FUT8: variants seen among roughly 807,000 people sequenced by gnomAD.
The protein encoded by FUT8 is fucosyltransferase 8, also known as alpha-(1,6)-fucosyltransferase.
Under a neutral mutation model 71.3 loss-of-function variants are expected in FUT8, and 29 were observed. That is an observed-to-expected ratio of 0.41 (90% CI 0.30 to 0.55). The LOEUF is 0.55. Among genes scored for constraint, FUT8 ranks in the 20% least tolerant of loss-of-function variants. The pLI is 0.34. For synonymous variants in FUT8, 254 were observed against 239.3 expected (o/e 1.06, Z -0.57); for missense variants, 544 against 702.1 (o/e 0.77, Z 2.55).
chr14:65,567,888 C>A (rs1414414358), intron 3 of FUT8, among the ~76,000 whole-genome samples: 2 of 151,538 alleles, frequency 1.3e-5, no homozygotes. Context: ...ATGATTTTTC[C>A]TTCTTGTGAT....
At chr14:65,688,469 T>C (rs115996456) in intron 7 of FUT8, among the ~76,000 whole-genome samples, 2,524 of 147,588 alleles carry the variant, frequency 0.017, 77 homozygotes, top group African/African-American at 0.062. Flanking sequence ...TCACAGTTTA[T>C]TTATCCATTT....
intron 7 of FUT8, among the ~76,000 whole-genome samples, chr14:65,677,157 C>CGCGCGT (rs1555383293): frequency 5.8e-5 from 2 of 34,408 alleles, no homozygotes; most frequent in Non-Finnish European, 1.3e-4. Context: ...TGTGTGCGCG[C>CGCGCGT]GCGCATGCGC....
At chr14:65,675,096 C>T (rs1159505469) in intron 7 of FUT8, among the ~76,000 whole-genome samples, 1 of 152,282 alleles carries the variant, frequency 6.6e-6, no homozygotes. Context: ...TGCTTTTCAC[C>T]ATTACATCTT....
At chr14:65,436,869 A>T (rs1292297582) in intron 1 of FUT8, among the ~76,000 whole-genome samples, 1 of 152,178 alleles carries the variant, frequency 6.6e-6, no homozygotes, top group Admixed American at 6.5e-5. Context: ...TTTGAGTACT[A>T]CCAAATGATG....
the FUT8 span, among the ~76,000 whole-genome samples, chr14:65,399,379 C>T: frequency 6.6e-6 from 1 of 152,176 alleles, no homozygotes; most frequent in African/African-American, 2.4e-5. Flanking sequence ...AGACCACTGA[C>T]CAATGAGAAT....
chr14:65,708,807 G>A (rs1328417184), intron 7 of FUT8, among the ~76,000 whole-genome samples: 1 of 152,124 alleles, frequency 6.6e-6, no homozygotes, highest in African/African-American at 2.4e-5. Context: ...CATAGGAAGA[G>A]TAGAAAGGTG....
At chr14:65,484,341 A>G (rs562291898) in intron 2 of FUT8, among the ~76,000 whole-genome samples, 52 of 152,322 alleles carry the variant, frequency 3.4e-4, no homozygotes, top group Admixed American at 3.2e-3. Flanking sequence ...GAAAGCATCT[A>G]TTCTCTCACA....
At chr14:65,474,074 A>T (rs1303813603) in intron 2 of FUT8, among the ~76,000 whole-genome samples, 1 of 152,150 alleles carries the variant, frequency 6.6e-6, no homozygotes, top group African/African-American at 2.4e-5. Context: ...ATGTTCTCAC[A>T]AGCGGGAGCT....
chr14:65,439,737 C>A (rs1215471395), intron 1 of FUT8, among the ~76,000 whole-genome samples: 1 of 151,488 alleles, frequency 6.6e-6, no homozygotes, highest in Non-Finnish European at 1.5e-5. Context: ...CCTTAAACAC[C>A]AATAGCAACA....
intron 1 of FUT8, among the ~76,000 whole-genome samples, chr14:65,417,541 A>G (rs1015424503): frequency 6.6e-5 from 10 of 152,192 alleles, no homozygotes; most frequent in Admixed American, 4.6e-4. Context: ...ATTTGTCAAT[A>G]TAAGGGTTAC....
At chr14:65,546,880 G>T (rs117196282) in intron 2 of FUT8, among the ~76,000 whole-genome samples, 1 of 151,550 alleles carries the variant, frequency 6.6e-6, no homozygotes, top group Non-Finnish European at 1.5e-5. Context: ...TTACAAATAC[G>T]CATTCAACTT....
chr14:65,422,108 G>C (rs931782416), intron 1 of FUT8, among the ~76,000 whole-genome samples: 7 of 152,214 alleles, frequency 4.6e-5, no homozygotes, highest in East Asian at 3.9e-4. Context: ...GAACTCATGG[G>C]GTTCCGGGTG....
At chr14:65,515,585 A>G (rs967930461) in intron 2 of FUT8, among the ~76,000 whole-genome samples, 5 of 152,132 alleles carry the variant, frequency 3.3e-5, no homozygotes, top group African/African-American at 1.2e-4. Flanking sequence ...GAAATAATAA[A>G]CCAATATTAA....
chr14:65,581,011 A>C (rs1427138457), intron 3 of FUT8, among the ~76,000 whole-genome samples: 3 of 152,142 alleles, frequency 2.0e-5, no homozygotes, highest in African/African-American at 7.2e-5. Flanking sequence ...TTTACCCAGC[A>C]AAATACTATT....
chr14:65,731,446 C>T (rs1895975523), intron 9 of FUT8, among the ~76,000 whole-genome samples: 1 of 152,156 alleles, frequency 6.6e-6, no homozygotes. Context: ...AAGAATTCCT[C>T]CACTGACATA....
intron 7 of FUT8, among the ~76,000 whole-genome samples, chr14:65,675,425 G>GA (rs1367943683): frequency 6.6e-6 from 1 of 152,046 alleles, no homozygotes; most frequent in Non-Finnish European, 1.5e-5. Flanking sequence ...AATAAAACAA[G>GA]ATCTGTAATG....
intron 2 of FUT8, among the ~76,000 whole-genome samples, chr14:65,500,830 G>A (rs908260690): frequency 6.6e-6 from 1 of 152,152 alleles, no homozygotes; most frequent in South Asian, 2.1e-4. Flanking sequence ...TTGAAAACTT[G>A]TATTTGCTTC....
intron 2 of FUT8, among the ~76,000 whole-genome samples, chr14:65,528,326 G>A (rs114037054): frequency 6.6e-6 from 1 of 152,202 alleles, no homozygotes; most frequent in African/African-American, 2.4e-5. Flanking sequence ...GCAAGGCTCC[G>A]TGGACATGGG....
At position 65,677,159 on chromosome 14, in the gene FUT8, CGCAT is replaced by C. The variant is rs1415993290; in HGVS notation, c.835+7682_835+7685del. On this transcript the variant is annotated intron_variant, in intron 7 of 10. Coordinates refer to ENST00000673929, the MANE Select transcript of FUT8 (RefSeq NM_001371533.1). ...GTGTGTGTGTGTGTGTGTGCGCGCGCGCATGCGCGCGCACGTATGTGTGTGCGCA... is the reference window on the plus strand; with the variant it reads ...GTGTGTGTGTGTGTGTGTGCGCGCGCGCGCGCGCACGTATGTGTGTGCGCA... Among the ~76,000 whole-genome samples, 156 of 44,556 alleles carry C rather than the reference CGCAT, an allele frequency of 3.5e-3. 1 individual carries two copies. The highest frequency in any genetic ancestry group is 0.01 in the African/African-American group (136 of 12,958). The allele number at this position is 44,556 out of a possible 152,430, so 29.2% of individuals were successfully genotyped here.
Sources: gnomAD v4.1 joint callset for allele counts (sites outside exome capture counted in the v4.1 genomes callset) on GRCh38, gnomAD v4.1.1 for gene constraint, MANE v1.5 for transcripts, NCBI Gene and HGNC (gene_info 2026-07-23, HGNC 2026-07-21) for gene names.